NRXN3: variants seen among roughly 807,000 people sequenced by gnomAD.
The protein encoded by NRXN3 is neurexin III.
A neutral mutation model predicts 137.6 loss-of-function variants in NRXN3; 32 were observed. The ratio of observed to expected loss-of-function variants is 0.23; its 90% CI spans 0.18 to 0.31. The LOEUF (loss-of-function observed/expected upper bound fraction) is 0.31. NRXN3 is among the 10% of genes least tolerant of loss of function. The probability of loss-of-function intolerance (pLI) is 1.00; values close to 1 mark genes in which losing one functional copy is unlikely to be tolerated. For missense variants in NRXN3, 1,574 were observed against 2,062.5 expected, an observed-to-expected ratio of 0.76 and a Z score of 4.59; for synonymous variants, 798 against 784.5, an observed-to-expected ratio of 1.02 and a Z score of -0.29.
At chr14:79,772,584 C>T (rs2099082355) in intron 19 of NRXN3, among the ~76,000 whole-genome samples, 1 of 152,162 alleles carries the variant, frequency 6.6e-6, no homozygotes, top group South Asian at 2.1e-4. Context: ...ATGTAGAAAG[C>T]TCAAACTGGA....
chr14:78,997,961 C>T (rs2153098550), intron 15 of NRXN3, among the ~76,000 whole-genome samples: 1 of 152,292 alleles, frequency 6.6e-6, no homozygotes, highest in South Asian at 2.1e-4. Context: ...AGCTGAGAGT[C>T]TCTTCTGAGT....
Position 79,323,057 on chromosome 14 carries a change from C to T in NRXN3, c.3263-144164C>T, listed in dbSNP as rs370418746. ...TGACTTTTTCTTTTTTAAATTGACACGGGGTCTAGCTCTGTTGCCCTGCCA... is the reference window on the plus strand; with the variant it reads ...TGACTTTTTCTTTTTTAAATTGACATGGGGTCTAGCTCTGTTGCCCTGCCA... On this transcript the variant is annotated intron_variant, in intron 15 of 20. Transcript: ENST00000335750. Among the ~76,000 whole-genome samples, 352 of 152,250 alleles carry T rather than the reference C, an allele frequency of 2.3e-3. 6 individuals carry two copies. Among genetic ancestry groups the T allele is most frequent in the Non-Finnish European group, 6.3e-4 (43 of 68,020 alleles).
chr14:79,261,794 G>C (rs1429460339), intron 15 of NRXN3, among the ~76,000 whole-genome samples: 1 of 152,114 alleles, frequency 6.6e-6, no homozygotes, highest in East Asian at 1.9e-4. Context: ...GGCAAGTTGT[G>C]GTTCTCATGG....
chr14:79,218,167 A>G (rs749368742), intron 15 of NRXN3, among the ~76,000 whole-genome samples: 4 of 152,156 alleles, frequency 2.6e-5, no homozygotes, highest in Non-Finnish European at 5.9e-5. Flanking sequence ...TAGATGTTGG[A>G]AAATTCTATA....
intron 14 of NRXN3, among the ~76,000 whole-genome samples, chr14:78,970,538 AC>A (rs995998376): frequency 2.6e-5 from 4 of 152,184 alleles, no homozygotes; most frequent in Non-Finnish European, 5.9e-5. Context: ...TATACAGAAT[AC>A]AAAAATTAAG....
Position 78,645,290 on chromosome 14 carries a change from C to T in NRXN3, c.928C>T (p.Leu310=). ...GTCGGCTGACTATGTCAACCTGGCT[C>T]TGAAGGATGGTGCGGTCTCCTTGGT... ...GKSADYVNLA[L]KDGAVSLVIN... is the part of the protein sequence containing the mutation. Residue 310 remains leucine (L), a synonymous_variant, in exon 5 of 21, where the codon CTG becomes TTG. Transcript: ENST00000335750. The T allele has an allele frequency of 1.9e-6, 3 of 1,598,924 alleles. No homozygotes were observed. Among genetic ancestry groups the T allele is most frequent in the South Asian group, 1.1e-5 (1 of 91,058 alleles).
intron 15 of NRXN3, among the ~76,000 whole-genome samples, chr14:79,286,548 A>G (rs958681936): frequency 1.4e-5 from 2 of 147,666 alleles, no homozygotes; most frequent in African/African-American, 4.9e-5. Flanking sequence ...ATATATATAT[A>G]TATATATATA....
chr14:79,827,737 C>G lies in NRXN3; in HGVS notation c.4093+22547C>G, dbSNP rs1284616047. Among the ~76,000 whole-genome samples, 5 of 150,328 alleles carry G rather than the reference C, an allele frequency of 3.3e-5. No individual in the cohort carries two copies. In the South Asian group the frequency reaches 1.1e-3, roughly 32 times the overall value. On this transcript the variant is annotated intron_variant, in intron 20 of 20. Coordinates refer to ENST00000335750, the MANE Select transcript of NRXN3 (RefSeq NM_001330195.2). ...GAGATGGATTCTCACTCTTGTCGCC[C>G]AGGCTGGAGTGCAAAGTCGTGATCT...
intron 20 of NRXN3, among the ~76,000 whole-genome samples, chr14:79,806,385 G>A (rs983217889): frequency 6.6e-6 from 1 of 152,146 alleles, no homozygotes; most frequent in Admixed American, 6.5e-5. Context: ...ATTGGATCCA[G>A]GAAGTTCTGT....
At chr14:79,379,287 G>A (rs374365021) in intron 15 of NRXN3, among the ~76,000 whole-genome samples, 2 of 152,064 alleles carry the variant, frequency 1.3e-5, no homozygotes, top group African/African-American at 2.4e-5. Flanking sequence ...TGTGTGTGAC[G>A]GTGTTTTCTG....
At chr14:78,690,558 T>A (rs2098162626) in intron 6 of NRXN3, among the ~76,000 whole-genome samples, 1 of 152,216 alleles carries the variant, frequency 6.6e-6, no homozygotes, top group Non-Finnish European at 1.5e-5. Context: ...AAGCTCTCCA[T>A]GGTTGTTTGT....
At chr14:78,779,260 G>T (rs997873928) in intron 8 of NRXN3, among the ~76,000 whole-genome samples, 35 of 151,988 alleles carry the variant, frequency 2.3e-4, no homozygotes, top group African/African-American at 8.2e-4. Context: ...TGATATTAAA[G>T]ATAAAGGAAC....
chr14:79,804,441 T>A (rs1049814839), intron 19 of NRXN3, among the ~76,000 whole-genome samples: 3 of 152,160 alleles, frequency 2.0e-5, no homozygotes, highest in Non-Finnish European at 2.9e-5. Flanking sequence ...GTCGAACTAC[T>A]ATTATTGCAG....
intron 6 of NRXN3, among the ~76,000 whole-genome samples, chr14:78,690,686 T>G (rs943688800): frequency 6.6e-6 from 1 of 152,170 alleles, no homozygotes; most frequent in Non-Finnish European, 1.5e-5. Context: ...AAATATTAAT[T>G]CTGGGACAAT....
intron 4 of NRXN3, among the ~76,000 whole-genome samples, chr14:78,462,333 A>G (rs2094945195): frequency 1.3e-5 from 2 of 152,300 alleles, no homozygotes; most frequent in South Asian, 4.1e-4. Context: ...TCTGTCTCCT[A>G]GGGTGGCTGT....
chr14:78,863,011 A>G (rs1028762596), intron 10 of NRXN3, among the ~76,000 whole-genome samples: 2 of 152,080 alleles, frequency 1.3e-5, no homozygotes, highest in South Asian at 4.1e-4. Flanking sequence ...TGTTGATGAA[A>G]CCCTCTAGAG....
intron 10 of NRXN3, among the ~76,000 whole-genome samples, chr14:78,921,152 G>A (rs2099269969): frequency 1.3e-5 from 2 of 152,178 alleles, no homozygotes; most frequent in Non-Finnish European, 2.9e-5. Context: ...TATTTCATTA[G>A]GGATCTTAAA....
chr14:78,957,132 A>G, intron 10 of NRXN3, 110 bp from the exon 11 acceptor site: 1 of 1,184,206 alleles, frequency 8.4e-7, no homozygotes, highest in Non-Finnish European at 1.2e-6. Flanking sequence ...GTGGAATATA[A>G]TTCCTTGAAT....
At chr14:78,552,412 A>G (rs2096700702) in intron 4 of NRXN3, among the ~76,000 whole-genome samples, 1 of 152,218 alleles carries the variant, frequency 6.6e-6, no homozygotes, top group South Asian at 2.1e-4. Context: ...GAGAAGGGCT[A>G]TTCAGCAGCA....
Sources: allele counts gnomAD v4.1 joint callset (sites outside exome capture counted in the v4.1 genomes callset), GRCh38; gene constraint gnomAD v4.1.1; transcripts MANE v1.5; gene names NCBI Gene and HGNC (gene_info 2026-07-23, HGNC 2026-07-21).